UBL3: variants seen among roughly 807,000 people sequenced by gnomAD.
UBL3 encodes ubiquitin like 3.
UBL3 carries 6 observed loss-of-function variants against 18.4 expected under a neutral mutation model. The ratio of observed to expected loss-of-function variants is 0.33; its 90% CI spans 0.18 to 0.64. UBL3 has a LOEUF of 0.64. Among genes scored for constraint, UBL3 ranks in the 30% least tolerant of loss-of-function variants. The pLI is 0.76. For missense variants in UBL3, 109 were observed against 142.9 expected (o/e 0.76, Z 1.21); for synonymous variants, 49 against 46.6 (o/e 1.05, Z -0.21).
At chr13:29,808,876 AG>A (rs1475915962) in intron 1 of UBL3, among the ~76,000 whole-genome samples, 2 of 152,160 alleles carry the variant, frequency 1.3e-5, no homozygotes, top group African/African-American at 2.4e-5. Context: ...CGTTGTGCCC[AG>A]GTATAAAAGT....
intron 1 of UBL3, among the ~76,000 whole-genome samples, chr13:29,817,634 CAT>C (rs544850354): frequency 2.6e-3 from 393 of 152,222 alleles, no homozygotes; most frequent in Admixed American, 3.3e-3. Context: ...GCAAAGTAAT[CAT>C]AGATAATTTT....
intron 1 of UBL3, among the ~76,000 whole-genome samples, chr13:29,789,048 C>T (rs572582525): frequency 1.3e-5 from 2 of 152,142 alleles, no homozygotes; most frequent in East Asian, 3.9e-4. Context: ...TACAGGCATG[C>T]ACCACCACAC....
At chr13:29,810,244 G>A (rs1289829522) in intron 1 of UBL3, among the ~76,000 whole-genome samples, 2 of 152,158 alleles carry the variant, frequency 1.3e-5, no homozygotes, top group East Asian at 1.9e-4. Flanking sequence ...AACTGGCCAC[G>A]TGATTAAGGA....
At chr13:29,835,110 AT>A (rs1323399109) in intron 1 of UBL3, among the ~76,000 whole-genome samples, 1,007 of 18,984 alleles carry the variant, frequency 0.053, 107 homozygotes, top group African/African-American at 0.26. Context: ...ATATATAAAT[AT>A]ATATATATAT....
At chr13:29,847,742 C>T (rs1488122229) in intron 1 of UBL3, among the ~76,000 whole-genome samples, 1 of 152,162 alleles carries the variant, frequency 6.6e-6, no homozygotes, top group Non-Finnish European at 1.5e-5. Flanking sequence ...GAGAGCAAAT[C>T]TTTGCTCGAG....
At chr13:29,813,182 T>C (rs1410508068) in intron 1 of UBL3, among the ~76,000 whole-genome samples, 1 of 152,056 alleles carries the variant, frequency 6.6e-6, no homozygotes, top group Non-Finnish European at 1.5e-5. Flanking sequence ...TTTTAATTTA[T>C]GAATACTATG....
intron 2 of UBL3, among the ~76,000 whole-genome samples, chr13:29,774,286 T>C (rs1876922594): frequency 6.6e-6 from 1 of 150,672 alleles, no homozygotes; most frequent in Admixed American, 6.6e-5. Context: ...GTATTTCTTT[T>C]ACCTTAAGTT....
At chr13:29,789,150 C>T (rs1455566587) in intron 1 of UBL3, among the ~76,000 whole-genome samples, 2 of 152,086 alleles carry the variant, frequency 1.3e-5, no homozygotes, top group African/African-American at 2.4e-5. Flanking sequence ...CCACCAGCCT[C>T]GTCCTCCCAA....
chr13:29,785,510 T>C (rs1487921858), intron 1 of UBL3, among the ~76,000 whole-genome samples: 2 of 152,212 alleles, frequency 1.3e-5, no homozygotes, highest in South Asian at 2.1e-4. Context: ...TATTTTAATA[T>C]GTAAATTTTA....
rs1231579179 is a variant in UBL3, at chr13:29,800,490, T to C, written c.28-23227A>G. Among the ~76,000 whole-genome samples, 4 of 152,090 alleles carry C rather than the reference T, an allele frequency of 2.6e-5. No individual in the cohort carries two copies. In the East Asian group the frequency reaches 5.8e-4, roughly 22 times the overall value. ...TTAACTGAGATTCCATTCCTAGAAA[T>C]TGATTCAATGTAAATAATTCAAAAG... On this transcript the variant is annotated intron_variant, in intron 1 of 4. Coordinates refer to ENST00000380680, the MANE Select transcript of UBL3 (RefSeq NM_007106.4).
At chr13:29,822,264 T>G (rs1465697547) in intron 1 of UBL3, among the ~76,000 whole-genome samples, 2 of 152,246 alleles carry the variant, frequency 1.3e-5, no homozygotes, top group African/African-American at 4.8e-5. Context: ...TAAAGATTCT[T>G]TTCAAAGGTG....
At chr13:29,799,343 G>A (rs1877700781) in intron 1 of UBL3, among the ~76,000 whole-genome samples, 1 of 152,226 alleles carries the variant, frequency 6.6e-6, no homozygotes, top group South Asian at 2.1e-4. Flanking sequence ...TACCTTTACT[G>A]TGATAAACCA....
chr13:29,801,044 G>A (rs2139332621), intron 1 of UBL3, among the ~76,000 whole-genome samples: 1 of 152,312 alleles, frequency 6.6e-6, no homozygotes, highest in Admixed American at 6.5e-5. Flanking sequence ...CCGAACACCA[G>A]TGGGTGGCAG....
At chr13:29,827,508 A>C (rs562154972) in intron 1 of UBL3, among the ~76,000 whole-genome samples, 1 of 152,038 alleles carries the variant, frequency 6.6e-6, no homozygotes, top group Non-Finnish European at 1.5e-5. Flanking sequence ...CAACCCCTGC[A>C]TTTTTTTGTT....
chr13:29,834,185 GAA>G (rs200617867), intron 1 of UBL3, among the ~76,000 whole-genome samples: 3 of 73,572 alleles, frequency 4.1e-5, no homozygotes, highest in Non-Finnish European at 8.6e-5. Context: ...TCTGTCTCAA[GAA>G]AAAAAAAAAA....
At chr13:29,835,124 AAATATATATATAT>A (rs1878906771) in intron 1 of UBL3, among the ~76,000 whole-genome samples, 8 of 36,770 alleles carry the variant, frequency 2.2e-4, no homozygotes, top group African/African-American at 1.2e-3. Flanking sequence ...ATATATATAT[AAATATATATATAT>A]ATATATATAT....
intron 1 of UBL3, among the ~76,000 whole-genome samples, chr13:29,811,849 T>C (rs1878095696): frequency 6.6e-6 from 1 of 152,130 alleles, no homozygotes; most frequent in African/African-American, 2.4e-5. Flanking sequence ...TTTGTGTTTT[T>C]TTGGTTGGTT....
chr13:29,835,606 T>C (rs754753882), intron 1 of UBL3, among the ~76,000 whole-genome samples: 1 of 151,366 alleles, frequency 6.6e-6, no homozygotes, highest in Non-Finnish European at 1.5e-5. Context: ...AACACAATAA[T>C]TAGCTGGGTG....
At chr13:29,787,678 AC>A (rs938916286) in intron 1 of UBL3, among the ~76,000 whole-genome samples, 1 of 152,170 alleles carries the variant, frequency 6.6e-6, no homozygotes, top group African/African-American at 2.4e-5. Context: ...CATACTATTA[AC>A]TTAAATAACA....
Sources: gnomAD v4.1 joint callset for allele counts (sites outside exome capture counted in the v4.1 genomes callset) on GRCh38, gnomAD v4.1.1 for gene constraint, MANE v1.5 for transcripts, NCBI Gene and HGNC (gene_info 2026-07-23, HGNC 2026-07-21) for gene names.